The following UBAP1 variants were observed in gnomAD, a reference collection of about 807,000 sequenced individuals.
UBAP1 encodes the protein ubiquitin associated protein 1, also known as ubiquitin-associated protein 1.
Under a neutral mutation model 39.0 loss-of-function variants are expected in UBAP1, and 5 were observed. The ratio of observed to expected loss-of-function variants is 0.13; its 90% CI spans 0.07 to 0.27. The LOEUF is 0.27. Among genes scored for constraint, UBAP1 ranks in the 10% least tolerant of loss-of-function variants. UBAP1 has a pLI of 1.00. For missense variants in UBAP1, 490 were observed against 608.1 expected, an observed-to-expected ratio of 0.81 and a Z score of 2.04; for synonymous variants, 211 against 225.1, an observed-to-expected ratio of 0.94 and a Z score of 0.56.
intron 3 of UBAP1, among the ~76,000 whole-genome samples, chr9:34,240,753 A>G (rs937224579): frequency 1.3e-5 from 2 of 152,122 alleles, no homozygotes; most frequent in African/African-American, 4.8e-5. Flanking sequence ...TACCAGCTTT[A>G]TGCTTGGTTG....
chr9:34,208,961 G>C (rs1348390133), intron 1 of UBAP1, among the ~76,000 whole-genome samples: 1 of 151,724 alleles, frequency 6.6e-6, no homozygotes, highest in East Asian at 1.9e-4. Flanking sequence ...TTGAGGTGGA[G>C]TCTCACTCTG....
rs1050495369 is a variant in UBAP1, at chr9:34,251,614, G to C, written c.*82G>C. 2.0e-6 allele frequency: 3 copies of C among 1,479,884 alleles called. No individual in the cohort carries two copies. Among genetic ancestry groups the C allele is most frequent in the Non-Finnish European group, 2.7e-6 (3 of 1,103,868 alleles). The allele number at this position is 1,479,884 out of a possible 1,614,324, so 91.7% of individuals were successfully genotyped here. A position where few individuals can be genotyped will look rare whatever the true frequency, so the allele number is the denominator to read the frequency against. ...AGCCCACCTGTGGGGAAAGAGAAGG[G>C]GCAGCTTCCGGATTTTCTTTTGGGG... is the stretch of plus-strand genomic sequence containing the variant. On this transcript the variant is annotated 3_prime_UTR_variant, in exon 7 of 7. Coordinates refer to ENST00000297661, the MANE Select transcript of UBAP1 (RefSeq NM_016525.5).
At chr9:34,234,623 G>A (rs1269167030) in intron 3 of UBAP1, among the ~76,000 whole-genome samples, 2 of 148,628 alleles carry the variant, frequency 1.3e-5, no homozygotes, top group Non-Finnish European at 1.5e-5. Context: ...TCTACTAGGG[G>A]AAAAAAAAAT....
In UBAP1 at chr9:34,241,395, T is replaced by C. The variant is rs1362808439; in HGVS notation, c.370T>C (p.Leu124=). The change falls in exon 4 of 7, where the codon TTG becomes CTG. Residue 124 remains leucine (L), a synonymous_variant. Transcript: ENST00000297661. ...PPPINPILAS[L]QHNSILTPTR... ...TCCTATTAACCCCATCCTCGCCAGC[T>C]TGCAGCACAACAGCATCCTCACACC... The C allele has an allele frequency of 6.4e-7, 1 of 1,568,416 alleles. No homozygotes were observed. The highest frequency in any genetic ancestry group is 8.6e-7 in the Non-Finnish European group (1 of 1,157,094).
At chr9:34,221,549 T>C (rs1288967704) in intron 2 of UBAP1, among the ~76,000 whole-genome samples, 7 of 149,382 alleles carry the variant, frequency 4.7e-5, no homozygotes, top group South Asian at 2.1e-4. Flanking sequence ...AAAAAAGGTA[T>C]AGTTACCTTT....
intron 2 of UBAP1, among the ~76,000 whole-genome samples, chr9:34,226,133 G>GTGTGTGTGTGTGTGTGTT (rs1833077121): frequency 2.8e-5 from 4 of 143,334 alleles, no homozygotes; most frequent in Non-Finnish European, 6.0e-5. Flanking sequence ...GTGTGTGTGT[G>GTGTGTGTGTGTGTGTGTT]TGTGTGTGTG....
intron 3 of UBAP1, 61 bp from the exon 4 acceptor site, chr9:34,241,124 G>A: frequency 8.1e-7 from 1 of 1,230,422 alleles, no homozygotes; most frequent in Non-Finnish European, 1.1e-6. Context: ...GAGTGAATTG[G>A]GTGGTGGGGT....
At chr9:34,246,135 C>T (rs1401937224) in intron 4 of UBAP1, among the ~76,000 whole-genome samples, 6 of 152,104 alleles carry the variant, frequency 3.9e-5, no homozygotes, top group Admixed American at 2.0e-4. Flanking sequence ...TCTGTAATCA[C>T]GGCTCACTGC....
chr9:34,201,722 C>G lies in UBAP1; in HGVS notation c.-7-19186C>G, dbSNP rs1258943329. Among the ~76,000 whole-genome samples the G allele has an allele frequency of 5.3e-5, 8 of 152,218 alleles. No homozygotes were observed. In the East Asian group the frequency reaches 1.4e-3, roughly 26 times the overall value. ...GCAGCTGCCACCAGTTGGGTGTTCT[C>G]CAGTTCAATGCCGACACTGTCTACC... On this transcript the variant is annotated intron_variant, in intron 1 of 6. Coordinates refer to ENST00000297661, the MANE Select transcript of UBAP1 (RefSeq NM_016525.5).
intron 2 of UBAP1, among the ~76,000 whole-genome samples, chr9:34,223,789 G>C (rs1832889380): frequency 6.6e-6 from 1 of 152,176 alleles, no homozygotes; most frequent in Non-Finnish European, 1.5e-5. Flanking sequence ...CTTTCTACCT[G>C]AGTAAAATTT....
chr9:34,180,408 C>G (rs747874906), intron 1 of UBAP1, among the ~76,000 whole-genome samples: 2 of 151,402 alleles, frequency 1.3e-5, no homozygotes, highest in African/African-American at 2.4e-5. Flanking sequence ...CTCGGGTGGC[C>G]GAGGCAGGAG....
intron 1 of UBAP1, among the ~76,000 whole-genome samples, chr9:34,207,970 T>C (rs1235122778): frequency 3.9e-5 from 6 of 152,238 alleles, no homozygotes; most frequent in Non-Finnish European, 2.9e-5. Context: ...GATATCTTTG[T>C]CTTGTTGCTG....
At chr9:34,235,600 A>G (rs1034526275) in intron 3 of UBAP1, among the ~76,000 whole-genome samples, 6 of 152,104 alleles carry the variant, frequency 3.9e-5, no homozygotes, top group African/African-American at 9.7e-5. Flanking sequence ...TGGCCTCCCA[A>G]AGTGCTGGAA....
chr9:34,182,616 C>CTTCCTTCT (rs1830108856), intron 1 of UBAP1, among the ~76,000 whole-genome samples: 3 of 110,600 alleles, frequency 2.7e-5, no homozygotes, highest in Non-Finnish European at 5.5e-5. Flanking sequence ...TCTTTCTTTC[C>CTTCCTTCT]TTCTTTCTTT....
intron 1 of UBAP1, among the ~76,000 whole-genome samples, chr9:34,216,219 T>G (rs1412454894): frequency 1.3e-5 from 2 of 152,006 alleles, no homozygotes; most frequent in African/African-American, 4.8e-5. Context: ...AAAAAAAACT[T>G]ACTGAGGTGA....
At position 34,209,585 on chromosome 9, in the gene UBAP1, C is replaced by T. The variant is rs16935430; in HGVS notation, c.-7-11323C>T. ...TGTTAATAAAGTAAAACACCTGTTA[C>T]GTACTCCATGAAGTCTATAACCTAG... On this transcript the variant is annotated intron_variant, in intron 1 of 6. Coordinates refer to ENST00000297661, the MANE Select transcript of UBAP1 (RefSeq NM_016525.5). Among the ~76,000 whole-genome samples, 917 of 152,254 alleles carry T rather than the reference C, an allele frequency of 6.0e-3. 10 individuals are homozygous for T. Among genetic ancestry groups the T allele is most frequent in the African/African-American group, 0.02 (829 of 41,544 alleles).
intron 1 of UBAP1, among the ~76,000 whole-genome samples, chr9:34,217,632 A>G (rs1261552017): frequency 6.7e-6 from 1 of 149,376 alleles, no homozygotes; most frequent in Non-Finnish European, 1.5e-5. Flanking sequence ...CTGAGTAACA[A>G]AAAAAAAAGC....
chr9:34,204,385 A>T (rs1293902046), intron 1 of UBAP1, among the ~76,000 whole-genome samples: 4 of 152,200 alleles, frequency 2.6e-5, no homozygotes, highest in Non-Finnish European at 5.9e-5. Flanking sequence ...ATAAAAAACA[A>T]AAAAAGGGTG....
chr9:34,207,661 C>T (rs573236891), intron 1 of UBAP1, among the ~76,000 whole-genome samples: 4 of 142,840 alleles, frequency 2.8e-5, no homozygotes, highest in African/African-American at 5.2e-5. Context: ...TTATTTATTT[C>T]TTTTTTTTTT....
Sources: allele counts gnomAD v4.1 joint callset (sites outside exome capture counted in the v4.1 genomes callset), GRCh38; gene constraint gnomAD v4.1.1; transcripts MANE v1.5; gene names NCBI Gene and HGNC (gene_info 2026-07-23, HGNC 2026-07-21).